Variants in FSIP1 observed in about 807,000 individuals in gnomAD.
The protein encoded by FSIP1 is fibrous sheath interacting protein 1.
Under a neutral mutation model 60.9 loss-of-function variants are expected in FSIP1, and 65 were observed. The observed-to-expected ratio is 1.07, with a 90% confidence interval of 0.87 to 1.31. The LOEUF is 1.31. Ranked by LOEUF, FSIP1 falls within the 40% of genes most tolerant of loss-of-function variation. FSIP1 has a pLI of 0.00. For synonymous variants in FSIP1, 209 were observed against 221.2 expected (o/e 0.94, Z 0.49); for missense variants, 675 against 665.5 (o/e 1.01, Z -0.16).
intron 10 of FSIP1, among the ~76,000 whole-genome samples, chr15:39,712,761 A>C (rs946035266): frequency 3.9e-5 from 6 of 152,202 alleles, no homozygotes; most frequent in African/African-American, 7.2e-5. Flanking sequence ...CCAGCTCACA[A>C]CTTAGTTGCT....
chr15:39,717,142 C>T (rs912777168), intron 9 of FSIP1, among the ~76,000 whole-genome samples: 8 of 151,976 alleles, frequency 5.3e-5, no homozygotes, highest in Non-Finnish European at 1.0e-4. Context: ...AAATGTTTGT[C>T]GATCATGTGA....
intron 10 of FSIP1, among the ~76,000 whole-genome samples, chr15:39,694,728 A>G (rs1277125715): frequency 6.6e-6 from 1 of 152,064 alleles, no homozygotes; most frequent in Non-Finnish European, 1.5e-5. Context: ...TAAACCTGGG[A>G]GGTGGAGGTT....
intron 10 of FSIP1, among the ~76,000 whole-genome samples, chr15:39,668,922 T>A (rs909257441): frequency 2.0e-5 from 3 of 152,194 alleles, no homozygotes; most frequent in African/African-American, 7.2e-5. Flanking sequence ...GAATTAACCA[T>A]AAGATCTTAA....
At chr15:39,767,248 C>T (rs1315879295) in intron 3 of FSIP1, among the ~76,000 whole-genome samples, 1 of 152,164 alleles carries the variant, frequency 6.6e-6, no homozygotes, top group African/African-American at 2.4e-5. Flanking sequence ...TGCTTATGTA[C>T]TTCAAAAGCA....
chr15:39,626,287 A>C (rs1321529620), intron 10 of FSIP1, among the ~76,000 whole-genome samples: 1 of 152,172 alleles, frequency 6.6e-6, no homozygotes, highest in Non-Finnish European at 1.5e-5. Flanking sequence ...GATCTTCAAC[A>C]TGTGTCTTCT....
intron 5 of FSIP1, among the ~76,000 whole-genome samples, chr15:39,758,895 C>T (rs541731646): frequency 5.9e-5 from 9 of 151,940 alleles, no homozygotes; most frequent in Non-Finnish European, 1.0e-4. Context: ...AGTTCCTACA[C>T]GATAAAGCTA....
At chr15:39,772,279 A>T (rs891747848) in intron 2 of FSIP1, among the ~76,000 whole-genome samples, 1 of 152,012 alleles carries the variant, frequency 6.6e-6, no homozygotes, top group African/African-American at 2.4e-5. Flanking sequence ...TTAACATCAC[A>T]TCCCATCTCT....
At chr15:39,677,920 AG>A (rs1239391030) in intron 10 of FSIP1, among the ~76,000 whole-genome samples, 1 of 151,690 alleles carries the variant, frequency 6.6e-6, no homozygotes, top group African/African-American at 2.4e-5. Context: ...CACTTGAACC[AG>A]GGAGTTGGAG....
At chr15:39,661,515 G>GA (rs1342209329) in intron 10 of FSIP1, among the ~76,000 whole-genome samples, 1 of 152,148 alleles carries the variant, frequency 6.6e-6, no homozygotes, top group East Asian at 1.9e-4. Flanking sequence ...TGAATTATAT[G>GA]AAAATTAGAA....
chr15:39,656,718 C>T (rs2140444779), intron 10 of FSIP1, among the ~76,000 whole-genome samples: 1 of 152,260 alleles, frequency 6.6e-6, no homozygotes, highest in East Asian at 1.9e-4. Flanking sequence ...CATTAATATG[C>T]AAAAGACAAC....
At chr15:39,777,028 C>T (rs756245631) in intron 1 of FSIP1, among the ~76,000 whole-genome samples, 5 of 151,152 alleles carry the variant, frequency 3.3e-5, no homozygotes, top group Non-Finnish European at 7.4e-5. Flanking sequence ...CAGGTTCAAG[C>T]AATTCTCCCT....
chr15:39,677,192 G>A (rs1455719802), intron 10 of FSIP1, among the ~76,000 whole-genome samples: 1 of 152,176 alleles, frequency 6.6e-6, no homozygotes, highest in Non-Finnish European at 1.5e-5. Flanking sequence ...TTCATTAAAT[G>A]CAATAACCAA....
rs1423098466 is a variant in FSIP1 at position 39,773,942 on chromosome 15, A to G, written c.126+2457T>C. Among the ~76,000 whole-genome samples, 4 of 152,210 alleles carry G rather than the reference A, an allele frequency of 2.6e-5. No individual in the cohort carries two copies. The East Asian group carries it at 7.7e-4, about 29-fold the overall frequency. ...CAAACTGCTCCATATCTTGATTGTA[A>G]TGGTAGTTATATCACTCAATCTATC... On this transcript the variant is annotated intron_variant, in intron 2 of 11. Transcript: ENST00000350221.
intron 2 of FSIP1, among the ~76,000 whole-genome samples, chr15:39,776,127 T>TGGGA (rs200225982): frequency 0.013 from 1,156 of 87,012 alleles, 9 homozygotes; most frequent in African/African-American, 0.028. Context: ...AAAAGGAAGG[T>TGGGA]GGGAGGGAGG....
At position 39,675,202 on chromosome 15, in the gene FSIP1, C is replaced by A. The variant is rs576055361; in HGVS notation, c.1188+38242G>T. On this transcript the variant is annotated intron_variant, in intron 10 of 11. Coordinates refer to ENST00000350221, the MANE Select transcript of FSIP1 (RefSeq NM_152597.5). ...GTGTTTCAAGAGAATATGGATGAAC[C>A]AGATTTCTTAAATATTGCTGGTAGG... is the stretch of plus-strand genomic sequence containing the variant. 3.8e-3 allele frequency among the ~76,000 whole-genome samples: 579 copies of A among 152,124 alleles called. 4 individuals are homozygous for A. The highest frequency in any genetic ancestry group is 0.013 in the African/African-American group (554 of 41,524).
intron 5 of FSIP1, among the ~76,000 whole-genome samples, chr15:39,748,329 C>T (rs1897061480): frequency 6.6e-6 from 1 of 152,182 alleles, no homozygotes. Context: ...ACATTTTGCA[C>T]ATTTCAAAGT....
At chr15:39,722,581 C>G (rs548463229) in intron 9 of FSIP1, among the ~76,000 whole-genome samples, 2 of 152,186 alleles carry the variant, frequency 1.3e-5, no homozygotes, top group South Asian at 4.1e-4. Context: ...TCCTGCCCCT[C>G]ACTTATGGAA....
intron 10 of FSIP1, among the ~76,000 whole-genome samples, chr15:39,658,251 ATTT>A (rs71132110): frequency 0.026 from 2,739 of 105,246 alleles, 57 homozygotes; most frequent in African/African-American, 0.073. Context: ...AGCAGACATG[ATTT>A]TTTTTTTTTT....
At chr15:39,737,200 A>G (rs549652008) in intron 8 of FSIP1, among the ~76,000 whole-genome samples, 1 of 152,288 alleles carries the variant, frequency 6.6e-6, no homozygotes, top group African/African-American at 2.4e-5. Flanking sequence ...AAGTGCAAAC[A>G]TTGGGCCACA....
Sources: allele counts gnomAD v4.1 joint callset (sites outside exome capture counted in the v4.1 genomes callset), GRCh38; gene constraint gnomAD v4.1.1; transcripts MANE v1.5; gene names NCBI Gene and HGNC (gene_info 2026-07-23, HGNC 2026-07-21).